Variants in PHC3 observed in about 807,000 individuals in gnomAD.
The protein encoded by PHC3 is polyhomeotic-like protein 3.
PHC3 carries 13 observed loss-of-function variants against 107.4 expected under a neutral mutation model. The ratio of observed to expected loss-of-function variants is 0.12; its 90% CI spans 0.08 to 0.19. PHC3 has a LOEUF of 0.19. Ranked by LOEUF, PHC3 falls within the 10% of genes least tolerant of loss-of-function variation. The probability of loss-of-function intolerance (pLI) is 1.00; values close to 1 mark genes in which losing one functional copy is unlikely to be tolerated. For synonymous variants in PHC3, 456 were observed against 427.4 expected (o/e 1.07, Z -0.83); for missense variants, 992 against 1,210.9 (o/e 0.82, Z 2.68).
intron 6 of PHC3, among the ~76,000 whole-genome samples, chr3:170,137,199 T>C (rs532124938): frequency 2.1e-4 from 32 of 152,270 alleles, no homozygotes; most frequent in Non-Finnish European, 3.5e-4. Flanking sequence ...AAGCAACTCT[T>C]TTAATTTAGT....
chr3:170,107,152 G>C (rs1219310826), intron 11 of PHC3, among the ~76,000 whole-genome samples: 1 of 152,004 alleles, frequency 6.6e-6, no homozygotes, highest in African/African-American at 2.4e-5. Context: ...ATTACAAGGA[G>C]TTTCTTTCTA....
chr3:170,122,115 T>C (rs548155752), intron 9 of PHC3, among the ~76,000 whole-genome samples: 14 of 152,288 alleles, frequency 9.2e-5, no homozygotes, highest in African/African-American at 3.4e-4. Context: ...CCAAGTGTGC[T>C]GGAAGGTTCC....
intron 4 of PHC3, among the ~76,000 whole-genome samples, chr3:170,156,545 C>T (rs1386012382): frequency 1.3e-5 from 2 of 151,976 alleles, no homozygotes; most frequent in African/African-American, 4.8e-5. Context: ...AGCCATCGCA[C>T]CCGGACTTTT....
At chr3:170,169,315 A>C (rs1014902605) in intron 4 of PHC3, among the ~76,000 whole-genome samples, 1 of 152,176 alleles carries the variant, frequency 6.6e-6, no homozygotes, top group Non-Finnish European at 1.5e-5. Flanking sequence ...AACCTAACTC[A>C]AAATAATCAA....
chr3:170,123,394 C>A (rs924057047), intron 8 of PHC3, among the ~76,000 whole-genome samples: 3 of 118,182 alleles, frequency 2.5e-5, no homozygotes, highest in Admixed American at 1.7e-4. Flanking sequence ...TCTTTGACAC[C>A]TTATTTTTTT....
At chr3:170,106,780 G>T in intron 12 of PHC3, 52 bp downstream of exon 12, 3 of 1,332,648 alleles carry the variant, frequency 2.3e-6, no homozygotes, top group South Asian at 2.8e-5. Context: ...TTTTGGTTTA[G>T]TTGCAATGGC....
In PHC3 at chr3:170,172,587, G is replaced by A; in HGVS notation, c.306C>T (p.Ser102=). Residue 102 remains serine, a synonymous_variant, in exon 3 of 15, where the codon AGC becomes AGT. Coordinates refer to ENST00000495893, the MANE Select transcript of PHC3 (RefSeq NM_024947.4). ...CAGCAGCAAGGCTCTGAAGCTGGGA[G>A]CTGCTTAAATGCTGCTGCTGAAGAG... ...TAALQQQHLS[S]SQLQSLAAVQ... is the part of the protein sequence containing the mutation. 1 of 1,613,428 alleles carries A rather than the reference G, an allele frequency of 6.2e-7. No homozygotes were observed. The highest frequency in any genetic ancestry group is 8.5e-7 in the Non-Finnish European group (1 of 1,179,768).
At chr3:170,158,185 GA>G (rs1218783396) in intron 4 of PHC3, among the ~76,000 whole-genome samples, 2 of 151,292 alleles carry the variant, frequency 1.3e-5, no homozygotes, top group African/African-American at 2.4e-5. Flanking sequence ...CGTCATGAAA[GA>G]AAAAAAATGA....
At chr3:170,155,582 C>G in intron 4 of PHC3, among the ~76,000 whole-genome samples, 1 of 152,072 alleles carries the variant, frequency 6.6e-6, no homozygotes, top group Non-Finnish European at 1.5e-5. Context: ...ATTAGCCAGG[C>G]ATTGTGGTGC....
intron 1 of PHC3, among the ~76,000 whole-genome samples, chr3:170,180,617 G>C (rs1324804559): frequency 1.3e-5 from 2 of 149,446 alleles, no homozygotes; most frequent in Non-Finnish European, 1.5e-5. Flanking sequence ...GCATCATATG[G>C]TAACTGTTCA....
chr3:170,097,388 G>A lies in PHC3; in HGVS notation c.2834-4C>T, dbSNP rs764312289. On this transcript the variant is annotated splice_polypyrimidine_tract_variant and splice_region_variant and intron_variant, in intron 14 of 14. Coordinates refer to ENST00000495893, the MANE Select transcript of PHC3 (RefSeq NM_024947.4). The surrounding 1 kb of genome is among the most constrained non-coding windows in gnomAD (Gnocchi z 4.1). The stretch of plus-strand genomic sequence containing the variant: ...TCATCTGCGATATCCTGGCAGCCTG[G>A]AATTTGACCAGAGGACAGAAGTTAG... The A allele has an allele frequency of 4.3e-6, 7 of 1,611,646 alleles. No individual in the cohort carries two copies. The South Asian group carries it at 6.6e-5, about 15-fold the overall frequency.
chr3:170,166,357 T>G (rs1728744957), intron 4 of PHC3, among the ~76,000 whole-genome samples: 1 of 152,170 alleles, frequency 6.6e-6, no homozygotes, highest in Non-Finnish European at 1.5e-5. Context: ...AATAATAATT[T>G]TAGACTGCAA....
chr3:170,148,695 C>A (rs1409706970), intron 5 of PHC3: 1 of 154,582 alleles, frequency 6.5e-6, no homozygotes, highest in Admixed American at 6.4e-5. Flanking sequence ...TTCACCAAAT[C>A]TAAGTTGACA....
chr3:170,122,853 C>A, intron 8 of PHC3, 109 bp from the exon 9 acceptor site: 17 of 1,221,724 alleles, frequency 1.4e-5, no homozygotes, highest in Admixed American at 5.5e-5. Context: ...AAAAACAAGG[C>A]AAAAATGACT....
chr3:170,119,720 T>C (rs1719836114), intron 9 of PHC3, among the ~76,000 whole-genome samples: 1 of 152,156 alleles, frequency 6.6e-6, no homozygotes, highest in Non-Finnish European at 1.5e-5. Context: ...CCTTTTTGTA[T>C]AGATGCTTTT....
At chr3:170,136,354 T>C (rs1380906455) in intron 7 of PHC3, 65 bp downstream of exon 7, 1 of 1,587,566 alleles carries the variant, frequency 6.3e-7, no homozygotes, top group Non-Finnish European at 8.6e-7. Flanking sequence ...TGAACATCCT[T>C]TGTTTTGCTC....
chr3:170,162,648 C>T (rs1728075658), intron 4 of PHC3, among the ~76,000 whole-genome samples: 1 of 152,202 alleles, frequency 6.6e-6, no homozygotes, highest in African/African-American at 2.4e-5. Flanking sequence ...CATTTAACTC[C>T]ATGCTTCTGT....
intron 4 of PHC3, among the ~76,000 whole-genome samples, chr3:170,159,640 A>C (rs1447374357): frequency 6.6e-6 from 1 of 152,248 alleles, no homozygotes. Flanking sequence ...TTAGTTTCAC[A>C]TACATGATCA....
At chr3:170,111,137 T>C (rs1362285153) in intron 11 of PHC3, among the ~76,000 whole-genome samples, 3 of 152,156 alleles carry the variant, frequency 2.0e-5, no homozygotes, top group African/African-American at 7.2e-5. Flanking sequence ...TGGCCAGGTA[T>C]TATATAACAC....
Sources: gnomAD v4.1 joint callset for allele counts (sites outside exome capture counted in the v4.1 genomes callset) on GRCh38, gnomAD v4.1.1 for gene constraint, Gnocchi (gnomAD v3.1) non-coding constraint, MANE v1.5 for transcripts, NCBI Gene and HGNC (gene_info 2026-07-23, HGNC 2026-07-21) for gene names.